ROBO1: variants seen among roughly 807,000 people sequenced by gnomAD.
The protein encoded by ROBO1 is roundabout homolog 1.
A neutral mutation model predicts 195.9 loss-of-function variants in ROBO1; 149 were observed. That is an observed-to-expected ratio of 0.76 (90% CI 0.67 to 0.87). The LOEUF (loss-of-function observed/expected upper bound fraction) is 0.87. Among genes scored for constraint, ROBO1 ranks in the 40% least tolerant of loss-of-function variants. ROBO1 has a pLI of 0.00. For missense variants in ROBO1, 1,933 were observed against 2,068.3 expected, an observed-to-expected ratio of 0.93 and a Z score of 1.27; for synonymous variants, 816 against 733.2, an observed-to-expected ratio of 1.11 and a Z score of -1.82.
At chr3:79,418,312 A>G (rs1440375716) in intron 2 of ROBO1, among the ~76,000 whole-genome samples, 1 of 152,164 alleles carries the variant, frequency 6.6e-6, no homozygotes, top group African/African-American at 2.4e-5. Context: ...ATTATAGCAC[A>G]TTAGAGATGA....
intron 3 of ROBO1, among the ~76,000 whole-genome samples, chr3:79,057,659 G>T (rs2078837099): frequency 6.6e-6 from 1 of 151,980 alleles, no homozygotes; most frequent in Middle Eastern, 3.4e-3. Flanking sequence ...TCCTCCTTCA[G>T]CACTGGATCT....
At chr3:78,691,247 G>A (rs1278139877) in intron 8 of ROBO1, among the ~76,000 whole-genome samples, 1 of 152,030 alleles carries the variant, frequency 6.6e-6, no homozygotes, top group African/African-American at 2.4e-5. Context: ...TCCACTTGAT[G>A]TTTATGATAT....
intron 3 of ROBO1, among the ~76,000 whole-genome samples, chr3:79,033,257 A>G (rs903190071): frequency 2.0e-5 from 3 of 152,068 alleles, no homozygotes. Context: ...ACATTTGTGG[A>G]ATATTTTTAT....
At position 79,125,440 on chromosome 3, in the gene ROBO1, G is replaced by T. The variant is rs377080894; in HGVS notation, c.172+16C>A. 1.2e-6 allele frequency: 2 copies of T among 1,609,088 alleles called. No homozygotes were observed. The highest frequency in any genetic ancestry group is 2.2e-5 in the East Asian group (1 of 44,754). The stretch of plus-strand genomic sequence containing the variant: ...ATTTCAGGAGGAAGTTAGTATTTGG[G>T]AAAGAGACACTCTACCTGTATAGCC... On this transcript the variant is annotated intron_variant, in intron 3 of 30. Coordinates refer to ENST00000464233, the MANE Select transcript of ROBO1 (RefSeq NM_002941.4).
intron 4 of ROBO1, among the ~76,000 whole-genome samples, chr3:78,786,242 ACTT>A (rs1206038851): frequency 6.6e-6 from 1 of 152,144 alleles, no homozygotes; most frequent in East Asian, 1.9e-4. Context: ...TAAAAAAGTG[ACTT>A]CTTATTACCA....
intron 4 of ROBO1, among the ~76,000 whole-genome samples, chr3:78,762,596 T>C (rs566333554): frequency 1.3e-3 from 202 of 152,144 alleles, no homozygotes; most frequent in African/African-American, 4.7e-3. Flanking sequence ...AAGTTAGTTT[T>C]TTCTTTTGTT....
chr3:78,629,183 T>C (rs1160195091), intron 25 of ROBO1, among the ~76,000 whole-genome samples: 1 of 152,198 alleles, frequency 6.6e-6, no homozygotes, highest in Admixed American at 6.5e-5. Context: ...TCTTCTTAAC[T>C]GAGAACCTTC....
intron 2 of ROBO1, among the ~76,000 whole-genome samples, chr3:79,484,254 C>T (rs371665405): frequency 2.0e-5 from 3 of 152,146 alleles, no homozygotes; most frequent in South Asian, 4.1e-4. Context: ...GTACATTTCT[C>T]TGCTCTCTGC....
intron 3 of ROBO1, among the ~76,000 whole-genome samples, chr3:79,023,156 C>T (rs1284714833): frequency 3.7e-4 from 1 of 2,738 alleles, no homozygotes; most frequent in Non-Finnish European, 1.4e-3. Context: ...TGATGAGAAG[C>T]AGTGACACAT....
intron 2 of ROBO1, among the ~76,000 whole-genome samples, chr3:79,306,952 A>G (rs1045290107): frequency 2.6e-5 from 4 of 152,174 alleles, no homozygotes; most frequent in African/African-American, 9.7e-5. Context: ...CAAATGTTTC[A>G]GTCAATTGTT....
In ROBO1 at chr3:79,125,684, C is replaced by G. The variant is rs1404150141; in HGVS notation, c.89-145G>C. ...AACACACAGCACGCTTCATCCTTGC[C>G]CCTCCTGCGGCACACTAAGCCCTGC... On this transcript the variant is annotated intron_variant, in intron 2 of 30. Coordinates refer to ENST00000464233, the MANE Select transcript of ROBO1 (RefSeq NM_002941.4). 6.1e-6 allele frequency: 4 copies of G among 658,038 alleles called. No homozygotes were observed. The East Asian group carries it at 1.1e-4, about 18-fold the overall frequency. 40.8% of individuals were successfully genotyped at this position (658,038 alleles called of 1,614,324 possible).
chr3:78,876,142 T>C (rs940491209), intron 4 of ROBO1, among the ~76,000 whole-genome samples: 1 of 152,092 alleles, frequency 6.6e-6, no homozygotes, highest in African/African-American at 2.4e-5. Flanking sequence ...CAAGGATGAA[T>C]GATGTTGTAT....
At chr3:79,317,481 A>G (rs536175123) in intron 2 of ROBO1, among the ~76,000 whole-genome samples, 8 of 152,330 alleles carry the variant, frequency 5.3e-5, no homozygotes, top group African/African-American at 1.9e-4. Flanking sequence ...ATCAGATCAT[A>G]GTAATCTATT....
intron 4 of ROBO1, among the ~76,000 whole-genome samples, chr3:78,809,231 A>G (rs1247590716): frequency 6.6e-6 from 1 of 152,220 alleles, no homozygotes; most frequent in Non-Finnish European, 1.5e-5. Context: ...ACCAACAAAC[A>G]TATGAAAAAA....
At chr3:79,336,279 C>T (rs1237866265) in intron 2 of ROBO1, among the ~76,000 whole-genome samples, 4 of 152,212 alleles carry the variant, frequency 2.6e-5, no homozygotes, top group Non-Finnish European at 5.9e-5. Flanking sequence ...CTGGCAATCC[C>T]TCCCATCACA....
chr3:79,735,149 T>A (rs1703326951), intron 1 of ROBO1, among the ~76,000 whole-genome samples: 1 of 152,226 alleles, frequency 6.6e-6, no homozygotes, highest in African/African-American at 2.4e-5. Context: ...ACTGCATTTT[T>A]AACAAGCTAT....
chr3:79,481,539 A>G (rs558394722), intron 2 of ROBO1, among the ~76,000 whole-genome samples: 4 of 152,292 alleles, frequency 2.6e-5, no homozygotes, highest in Admixed American at 2.0e-4. Flanking sequence ...TCCCATGTCT[A>G]TCAACCAGCT....
chr3:78,634,742 C>T (rs919370205), intron 23 of ROBO1, among the ~76,000 whole-genome samples: 2 of 152,124 alleles, frequency 1.3e-5, no homozygotes, highest in South Asian at 2.1e-4. Flanking sequence ...GCAGGAGTCT[C>T]GATCCATATT....
chr3:79,254,005 G>T (rs115436107), intron 2 of ROBO1, among the ~76,000 whole-genome samples: 1 of 151,982 alleles, frequency 6.6e-6, no homozygotes, highest in Non-Finnish European at 1.5e-5. Context: ...TTATCCACCC[G>T]GCAAGAAGGC....
Sources: allele counts gnomAD v4.1 joint callset (sites outside exome capture counted in the v4.1 genomes callset), GRCh38; gene constraint gnomAD v4.1.1; transcripts MANE v1.5; gene names NCBI Gene and HGNC (gene_info 2026-07-23, HGNC 2026-07-21).